CHRM3: variants seen among roughly 807,000 people sequenced by gnomAD.
The protein encoded by CHRM3 is cholinergic receptor muscarinic 3.
CHRM3 carries 11 observed loss-of-function variants against 41.8 expected under a neutral mutation model. The ratio of observed to expected loss-of-function variants is 0.26; its 90% CI spans 0.17 to 0.44. The LOEUF is 0.44. Ranked by LOEUF, CHRM3 falls within the 20% of genes least tolerant of loss-of-function variation. The pLI, the probability that CHRM3 is intolerant of heterozygous loss-of-function variation, is 1.00. For synonymous variants in CHRM3, 297 were observed against 301.4 expected (o/e 0.99, Z 0.15); for missense variants, 571 against 745.4 (o/e 0.77, Z 2.72).
intron 5 of CHRM3, among the ~76,000 whole-genome samples, chr1:239,781,759 T>C (rs1160091675): frequency 6.6e-6 from 1 of 152,160 alleles, no homozygotes; most frequent in Non-Finnish European, 1.5e-5. Flanking sequence ...GAAATTTTTG[T>C]AGATATTCCT....
intron 2 of CHRM3, among the ~76,000 whole-genome samples, chr1:239,508,724 G>C (rs141016681): frequency 6.6e-6 from 1 of 152,084 alleles, no homozygotes; most frequent in East Asian, 1.9e-4. Flanking sequence ...TATTGATTAC[G>C]TGAGTCATGA....
chr1:239,680,718 G>A (rs1396945522), intron 5 of CHRM3, among the ~76,000 whole-genome samples: 2 of 152,202 alleles, frequency 1.3e-5, no homozygotes, highest in Non-Finnish European at 2.9e-5. Context: ...ATGTGTGTGT[G>A]TGTGTGTGTG....
At chr1:239,679,245 C>T (rs1658322568) in intron 5 of CHRM3, among the ~76,000 whole-genome samples, 1 of 151,894 alleles carries the variant, frequency 6.6e-6, no homozygotes, top group African/African-American at 2.4e-5. Context: ...GAAAAGTGCC[C>T]CATAAATTCT....
intron 3 of CHRM3, among the ~76,000 whole-genome samples, chr1:239,570,233 C>T (rs1661706789): frequency 6.6e-6 from 1 of 152,130 alleles, no homozygotes; most frequent in African/African-American, 2.4e-5. Context: ...GCAGTTTCCC[C>T]TGGGCTTTTC....
At chr1:239,824,932 C>A (rs1672334492) in intron 5 of CHRM3, among the ~76,000 whole-genome samples, 1 of 152,324 alleles carries the variant, frequency 6.6e-6, no homozygotes, top group African/African-American at 2.4e-5. Flanking sequence ...AAACCTGCAA[C>A]TTCAGCCTTC....
At chr1:239,710,272 C>CAT (rs1313040053) in intron 5 of CHRM3, among the ~76,000 whole-genome samples, 1 of 151,964 alleles carries the variant, frequency 6.6e-6, no homozygotes, top group Non-Finnish European at 1.5e-5. Flanking sequence ...TAACTATACC[C>CAT]ATATATATGT....
At chr1:239,648,487 G>A (rs576097471) in intron 4 of CHRM3, among the ~76,000 whole-genome samples, 132 of 152,298 alleles carry the variant, frequency 8.7e-4, no homozygotes, top group Middle Eastern at 3.4e-3. Flanking sequence ...AAGAGAATAA[G>A]CAGTTGGATG....
chr1:239,596,189 G>T (rs1008896016), intron 3 of CHRM3, among the ~76,000 whole-genome samples: 3 of 152,088 alleles, frequency 2.0e-5, no homozygotes, highest in Admixed American at 6.5e-5. Flanking sequence ...TTTAAAACTA[G>T]TAATTTTCCA....
At chr1:239,400,756 C>T (rs1400858630) in intron 1 of CHRM3, among the ~76,000 whole-genome samples, 1 of 152,042 alleles carries the variant, frequency 6.6e-6, no homozygotes, top group Non-Finnish European at 1.5e-5. Flanking sequence ...ATCAGTTGAC[C>T]GTAAATACAA....
At chr1:239,655,659 T>C (rs1452888303) in intron 4 of CHRM3, among the ~76,000 whole-genome samples, 11 of 152,194 alleles carry the variant, frequency 7.2e-5, no homozygotes, top group Admixed American at 7.2e-4. Context: ...AAGACCTTAC[T>C]GTCCATCTGA....
chr1:239,806,051 G>T (rs1018226938), intron 5 of CHRM3, among the ~76,000 whole-genome samples: 3 of 152,124 alleles, frequency 2.0e-5, no homozygotes, highest in Non-Finnish European at 4.4e-5. Context: ...AACCCAGCCG[G>T]CTCAGACACC....
At chr1:239,701,019 C>T (rs183912771) in intron 5 of CHRM3, among the ~76,000 whole-genome samples, 14 of 152,288 alleles carry the variant, frequency 9.2e-5, no homozygotes, top group East Asian at 7.7e-4. Flanking sequence ...ACCTGTGTGA[C>T]GCTTTTATCA....
At chr1:239,500,471 TGG>T (rs1377518570) in intron 2 of CHRM3, among the ~76,000 whole-genome samples, 1 of 54,122 alleles carries the variant, frequency 1.8e-5, no homozygotes, top group Non-Finnish European at 3.8e-5. Flanking sequence ...TGTTATGGGG[TGG>T]GGGGATGGGG....
intron 1 of CHRM3, among the ~76,000 whole-genome samples, chr1:239,433,945 A>G (rs1182420415): frequency 6.6e-6 from 1 of 152,112 alleles, no homozygotes; most frequent in Admixed American, 6.5e-5. Flanking sequence ...TATCTTTTTC[A>G]TATAGTGACA....
At chr1:239,894,789 C>CAAA (rs923938434) in intron 6 of CHRM3, among the ~76,000 whole-genome samples, 2 of 151,940 alleles carry the variant, frequency 1.3e-5, no homozygotes, top group African/African-American at 4.8e-5. Context: ...GAGGCTTTAC[C>CAAA]TCCTGTTTCA....
At chr1:239,681,752 A>T (rs1658587978) in intron 5 of CHRM3, among the ~76,000 whole-genome samples, 1 of 152,154 alleles carries the variant, frequency 6.6e-6, no homozygotes, top group African/African-American at 2.4e-5. Flanking sequence ...TTTAAAAATT[A>T]GCCTGGTGTG....
chr1:239,889,565 T>C (rs920870097), intron 6 of CHRM3, among the ~76,000 whole-genome samples: 1 of 152,192 alleles, frequency 6.6e-6, no homozygotes, highest in Non-Finnish European at 1.5e-5. Flanking sequence ...AAAAAATGAT[T>C]TCTTGGGCCG....
intron 4 of CHRM3, among the ~76,000 whole-genome samples, chr1:239,669,404 A>G (rs1449970459): frequency 6.6e-6 from 1 of 152,012 alleles, no homozygotes; most frequent in Non-Finnish European, 1.5e-5. Flanking sequence ...TTTTTCCTTA[A>G]AAAGGGATTT....
chr1:239,673,305 G>A (rs1297982047), intron 4 of CHRM3, among the ~76,000 whole-genome samples: 3 of 152,228 alleles, frequency 2.0e-5, no homozygotes, highest in South Asian at 2.1e-4. Flanking sequence ...CTGATCACGC[G>A]TTTAAAGTCA....
Sources: gnomAD v4.1 joint callset for allele counts (sites outside exome capture counted in the v4.1 genomes callset) on GRCh38, gnomAD v4.1.1 for gene constraint, MANE v1.5 for transcripts, NCBI Gene and HGNC (gene_info 2026-07-23, HGNC 2026-07-21) for gene names.